The following EVI5 variants were observed in gnomAD, a reference collection of about 807,000 sequenced individuals.
EVI5 encodes the protein ecotropic viral integration site 5 protein homolog.
Under a neutral mutation model 112.0 loss-of-function variants are expected in EVI5, and 73 were observed. That is an observed-to-expected ratio of 0.65 (90% CI 0.54 to 0.79). The LOEUF is 0.79. Among genes scored for constraint, EVI5 ranks in the 30% least tolerant of loss-of-function variants. The pLI is 0.00. For synonymous variants in EVI5, 305 were observed against 319.9 expected, an observed-to-expected ratio of 0.95 and a Z score of 0.50; for missense variants, 900 against 968.8, an observed-to-expected ratio of 0.93 and a Z score of 0.94.
At chr1:92,650,296 C>T (rs1661860072) in intron 13 of EVI5, among the ~76,000 whole-genome samples, 2 of 152,162 alleles carry the variant, frequency 1.3e-5, no homozygotes, top group East Asian at 3.9e-4. Context: ...ATTAAGACTT[C>T]CAATATACAA....
chr1:92,632,768 G>T (rs1657494446), intron 14 of EVI5, among the ~76,000 whole-genome samples: 1 of 151,908 alleles, frequency 6.6e-6, no homozygotes, highest in Non-Finnish European at 1.5e-5. Flanking sequence ...GTGATGTTAG[G>T]GTGTCAATTT....
At chr1:92,590,460 T>A (rs946989110) in intron 18 of EVI5, among the ~76,000 whole-genome samples, 2 of 152,032 alleles carry the variant, frequency 1.3e-5, no homozygotes, top group African/African-American at 4.8e-5. Context: ...GAGAACTACG[T>A]GATGAACGCA....
At chr1:92,764,995 T>A (rs1682389779) in intron 1 of EVI5, among the ~76,000 whole-genome samples, 1 of 151,978 alleles carries the variant, frequency 6.6e-6, no homozygotes, top group Non-Finnish European at 1.5e-5. Context: ...ACCTAAATCA[T>A]CCAACAAATA....
intron 16 of EVI5, among the ~76,000 whole-genome samples, chr1:92,622,588 A>G (rs1271170197): frequency 6.6e-6 from 1 of 152,198 alleles, no homozygotes; most frequent in Non-Finnish European, 1.5e-5. Flanking sequence ...ATCTAAATAC[A>G]TGGGTGTTTG....
In EVI5 at chr1:92,687,602, C is replaced by A. The variant is rs376386622; in HGVS notation, c.1097+6200G>T. Among the ~76,000 whole-genome samples the A allele has an allele frequency of 2.8e-4, 42 of 152,248 alleles. No individual in the cohort carries two copies. In the South Asian group the frequency reaches 6.0e-3, roughly 22 times the overall value. The stretch of plus-strand genomic sequence containing the variant: ...AGAAACTATCACCAGAGTGAACAGG[C>A]AACCTAAAGAATGGGAGAAAATCTT... On this transcript the variant is annotated intron_variant, in intron 9 of 19. Coordinates refer to ENST00000684568, the MANE Select transcript of EVI5 (RefSeq NM_001350197.2).
At chr1:92,538,941 G>A (rs572252879) in intron 19 of EVI5, among the ~76,000 whole-genome samples, 10 of 152,264 alleles carry the variant, frequency 6.6e-5, no homozygotes, top group East Asian at 5.8e-4. Context: ...GCTAAACTAT[G>A]AAGAATCTTA....
chr1:92,682,453 C>T (rs1667745935), intron 9 of EVI5, among the ~76,000 whole-genome samples: 2 of 152,096 alleles, frequency 1.3e-5, no homozygotes, highest in Non-Finnish European at 2.9e-5. Context: ...CATAATTTAA[C>T]CCTAGCAATT....
At chr1:92,683,498 C>T (rs528295589) in intron 9 of EVI5, among the ~76,000 whole-genome samples, 7 of 152,278 alleles carry the variant, frequency 4.6e-5, no homozygotes, top group Admixed American at 1.3e-4. Context: ...AGCACCTCTT[C>T]GCCTCCAAAG....
chr1:92,654,059 A>C (rs1289699300), intron 13 of EVI5, among the ~76,000 whole-genome samples: 3 of 151,828 alleles, frequency 2.0e-5, no homozygotes, highest in Non-Finnish European at 4.4e-5. Context: ...TCATTGGGGA[A>C]TCCAAGGGCC....
At chr1:92,789,592 G>A (rs561770492), upstream of EVI5, among the ~76,000 whole-genome samples, 47 of 152,192 alleles carry the variant, frequency 3.1e-4, no homozygotes, top group African/African-American at 8.4e-4. Flanking sequence ...ATGAACCACC[G>A]CGCCTGGCCT....
At chr1:92,518,000 C>T (rs997644807) in intron 19 of EVI5, among the ~76,000 whole-genome samples, 1 of 149,012 alleles carries the variant, frequency 6.7e-6, no homozygotes, top group Non-Finnish European at 1.5e-5. Context: ...TGGGCTTGAG[C>T]AATCCTCCTG....
chr1:92,602,130 C>A (rs945508054), intron 18 of EVI5, among the ~76,000 whole-genome samples: 1 of 151,792 alleles, frequency 6.6e-6, no homozygotes, highest in African/African-American at 2.4e-5. Context: ...TGATCCAGAT[C>A]AAAAAATGAA....
At chr1:92,531,023 G>A (rs1452412099) in intron 19 of EVI5, among the ~76,000 whole-genome samples, 1 of 151,944 alleles carries the variant, frequency 6.6e-6, no homozygotes, top group African/African-American at 2.4e-5. Flanking sequence ...CCAATGCAAT[G>A]AAGCTAAGAA....
At chr1:92,701,101 A>C (rs1360596385) in intron 5 of EVI5, among the ~76,000 whole-genome samples, 3 of 152,206 alleles carry the variant, frequency 2.0e-5, no homozygotes, top group African/African-American at 7.2e-5. Flanking sequence ...TTTTATTATA[A>C]ATCAGTGTCT....
intron 2 of EVI5, among the ~76,000 whole-genome samples, chr1:92,724,340 C>G (rs1177103479): frequency 6.6e-6 from 1 of 152,078 alleles, no homozygotes; most frequent in Non-Finnish European, 1.5e-5. Context: ...AAAGAACCTA[C>G]GTTGAAATAC....
At chr1:92,746,281 A>G (rs995550178) in intron 1 of EVI5, among the ~76,000 whole-genome samples, 1 of 152,208 alleles carries the variant, frequency 6.6e-6, no homozygotes, top group Admixed American at 6.5e-5. Flanking sequence ...GTTAAATTTA[A>G]TGTGTCTAAG....
At chr1:92,672,566 C>T (rs1666051986) in intron 10 of EVI5, among the ~76,000 whole-genome samples, 2 of 152,152 alleles carry the variant, frequency 1.3e-5, no homozygotes, top group African/African-American at 4.8e-5. Context: ...CTCCTTAAGA[C>T]TTTACCACCA....
At chr1:92,566,871 A>G (rs1669573710) in intron 18 of EVI5, among the ~76,000 whole-genome samples, 1 of 148,986 alleles carries the variant, frequency 6.7e-6, no homozygotes, top group Non-Finnish European at 1.5e-5. Flanking sequence ...CAATGGCACA[A>G]TCTCGGCTCA....
chr1:92,720,024 G>C (rs1674466045), intron 2 of EVI5, among the ~76,000 whole-genome samples: 1 of 152,018 alleles, frequency 6.6e-6, no homozygotes, highest in Non-Finnish European at 1.5e-5. Flanking sequence ...CAAAATAAAA[G>C]AGGACACAAA....
Sources: allele counts gnomAD v4.1 joint callset (sites outside exome capture counted in the v4.1 genomes callset), GRCh38; gene constraint gnomAD v4.1.1; transcripts MANE v1.5; gene names NCBI Gene and HGNC (gene_info 2026-07-23, HGNC 2026-07-21).